Variants in MITF observed in about 807,000 individuals in gnomAD.
The protein encoded by MITF is microphthalmia-associated transcription factor.
MITF carries 17 observed loss-of-function variants against 60.5 expected under a neutral mutation model. That is an observed-to-expected ratio of 0.28 (90% CI 0.19 to 0.42). The LOEUF (loss-of-function observed/expected upper bound fraction) is 0.42. Among genes scored for constraint, MITF ranks in the 10% least tolerant of loss-of-function variants. The pLI, the probability that MITF is intolerant of heterozygous loss-of-function variation, is 1.00. For synonymous variants in MITF, 260 were observed against 248.5 expected (o/e 1.05, Z -0.43); for missense variants, 622 against 683.5 (o/e 0.91, Z 1.00).
chr3:69,760,925 C>CT (rs1260292566), intron 1 of MITF, among the ~76,000 whole-genome samples: 1 of 152,102 alleles, frequency 6.6e-6, no homozygotes, highest in Non-Finnish European at 1.5e-5. Context: ...GTTGGGATTG[C>CT]TTGGAATTCT....
chr3:69,877,874 C>T (rs1054550317), intron 1 of MITF, among the ~76,000 whole-genome samples: 2 of 152,166 alleles, frequency 1.3e-5, no homozygotes, highest in Admixed American at 6.5e-5. Context: ...ATACTTACCT[C>T]GAAGCATGAC....
intron 2 of MITF, among the ~76,000 whole-genome samples, chr3:69,882,175 T>TTA (rs2064504435): frequency 6.6e-6 from 1 of 152,166 alleles, no homozygotes; most frequent in Non-Finnish European, 1.5e-5. Flanking sequence ...TGTTTAAAAG[T>TTA]TATTGACATC....
chr3:69,943,699 A>G (rs1278699694), intron 5 of MITF, among the ~76,000 whole-genome samples: 1 of 152,120 alleles, frequency 6.6e-6, no homozygotes, highest in African/African-American at 2.4e-5. Flanking sequence ...AACTCTGTAA[A>G]TTGCAGCATG....
intron 1 of MITF, among the ~76,000 whole-genome samples, chr3:69,826,087 A>G (rs2063350043): frequency 6.6e-6 from 1 of 152,204 alleles, no homozygotes; most frequent in Non-Finnish European, 1.5e-5. Flanking sequence ...GAATGTACAT[A>G]TTATAAGTGT....
chr3:69,759,882 A>G (rs1201245804), intron 1 of MITF, among the ~76,000 whole-genome samples: 1 of 152,002 alleles, frequency 6.6e-6, no homozygotes, highest in Non-Finnish European at 1.5e-5. Flanking sequence ...GGTTCGTGCC[A>G]TTCTCCTGCC....
chr3:69,933,343 C>G (rs1326440140), intron 2 of MITF, among the ~76,000 whole-genome samples: 1 of 152,074 alleles, frequency 6.6e-6, no homozygotes, highest in Non-Finnish European at 1.5e-5. Flanking sequence ...CTGTTGTCAG[C>G]CAAGATGGTA....
chr3:69,828,721 C>T (rs1357010474), intron 1 of MITF, among the ~76,000 whole-genome samples: 1 of 152,040 alleles, frequency 6.6e-6, no homozygotes, highest in Admixed American at 6.6e-5. Flanking sequence ...TAATCTGACC[C>T]TCATTTCTGT....
intron 2 of MITF, among the ~76,000 whole-genome samples, chr3:69,918,572 G>A (rs1290827722): frequency 1.3e-5 from 2 of 152,130 alleles, no homozygotes; most frequent in South Asian, 4.1e-4. Context: ...TGCATATTTG[G>A]TTGGTTTGGA....
chr3:69,937,966 C>A lies in MITF; in HGVS notation c.499C>A (p.His167Asn). ...SLPCPNQPGD[H>N]VMPPVPGSSA... is the part of the protein sequence containing the mutation. ...GCCATGTCCAAACCAGCCTGGCGAT[C>A]ATGTCATGCCACCGGTGCCGGGGAG... is the stretch of plus-strand genomic sequence containing the variant. Residue 167 changes from histidine (H) to asparagine (N), a missense_variant, in exon 3 of 10, where the codon CAT becomes AAT. By Grantham distance (68) the His-to-Asn change is moderately conservative. Around this residue, in one of 5 missense-constraint regions of MITF, gnomAD observed 215 missense variants for 224.8 expected, o/e 0.96. Transcript: ENST00000352241. 6.2e-7 allele frequency: 1 copy of A among 1,614,198 alleles called. No individual in the cohort carries two copies. Among genetic ancestry groups the A allele is most frequent in the South Asian group, 1.1e-5 (1 of 91,086 alleles).
At chr3:69,742,851 A>G (rs1442153266) in intron 1 of MITF, among the ~76,000 whole-genome samples, 1 of 152,158 alleles carries the variant, frequency 6.6e-6, no homozygotes, top group Middle Eastern at 3.2e-3. Context: ...TTTTGACCAC[A>G]GTATTTGCGA....
chr3:69,838,866 G>A (rs1575796851), intron 1 of MITF, among the ~76,000 whole-genome samples: 1 of 152,158 alleles, frequency 6.6e-6, no homozygotes, highest in South Asian at 2.1e-4. Flanking sequence ...ATTTGCAAGG[G>A]GAATTGCAAA....
At chr3:69,879,498 T>G in intron 2 of MITF, 115 bp downstream of exon 2, 1 of 1,532,614 alleles carries the variant, frequency 6.5e-7, no homozygotes, top group South Asian at 1.2e-5. Flanking sequence ...GAATTATATT[T>G]GAAAACTCCA....
chr3:69,868,925 T>C (rs996209626), intron 1 of MITF, among the ~76,000 whole-genome samples: 4 of 150,764 alleles, frequency 2.7e-5, no homozygotes, highest in African/African-American at 9.9e-5. Flanking sequence ...AGACAGCTAT[T>C]TGGTGGAGAA....
intron 1 of MITF, among the ~76,000 whole-genome samples, chr3:69,775,271 G>A (rs1364909290): frequency 6.6e-6 from 1 of 152,194 alleles, no homozygotes; most frequent in East Asian, 1.9e-4. Context: ...AAGCCAGGCT[G>A]TAACACAGAT....
intron 2 of MITF, among the ~76,000 whole-genome samples, chr3:69,909,176 G>A (rs2065167798): frequency 6.6e-6 from 1 of 152,128 alleles, no homozygotes; most frequent in Non-Finnish European, 1.5e-5. Flanking sequence ...TCTCATGATA[G>A]TGAATGGATA....
chr3:69,953,091 A>G (rs2066296700), intron 7 of MITF, among the ~76,000 whole-genome samples: 1 of 152,108 alleles, frequency 6.6e-6, no homozygotes, highest in Admixed American at 6.6e-5. Context: ...GCTGGTTTTT[A>G]CTTTAAAAGC....
chr3:69,921,401 G>T (rs2065465059), intron 2 of MITF, among the ~76,000 whole-genome samples: 1 of 152,230 alleles, frequency 6.6e-6, no homozygotes. Context: ...ACCAAAAGCA[G>T]ATTCCTAGTG....
chr3:69,753,158 G>C (rs1000900955), intron 1 of MITF, among the ~76,000 whole-genome samples: 5 of 152,194 alleles, frequency 3.3e-5, no homozygotes, highest in Non-Finnish European at 5.9e-5. Flanking sequence ...CCACATCCTA[G>C]TTGCTCCAGA....
intron 2 of MITF, among the ~76,000 whole-genome samples, chr3:69,906,265 T>A (rs921964390): frequency 1.3e-5 from 2 of 152,116 alleles, no homozygotes; most frequent in Non-Finnish European, 2.9e-5. Flanking sequence ...ATCAGTTGAT[T>A]ATATGTGTGG....
Sources: gnomAD v4.1 joint callset for allele counts (sites outside exome capture counted in the v4.1 genomes callset) on GRCh38, gnomAD v4.1.1 for gene constraint, gnomAD v4.1.1 regional missense constraint, MANE v1.5 for transcripts, NCBI Gene and HGNC (gene_info 2026-07-23, HGNC 2026-07-21) for gene names.